Variants in PARD3B observed in about 807,000 individuals in gnomAD.
The protein encoded by PARD3B is partitioning defective 3 homolog B.
A neutral mutation model predicts 130.2 loss-of-function variants in PARD3B; 103 were observed. The ratio of observed to expected loss-of-function variants is 0.79; its 90% CI spans 0.67 to 0.93. The LOEUF is 0.93. Ranked by LOEUF, PARD3B falls within the 40% of genes least tolerant of loss-of-function variation. The probability of loss-of-function intolerance (pLI) is 0.00; values close to 1 mark genes in which losing one functional copy is unlikely to be tolerated. For synonymous variants in PARD3B, 583 were observed against 553.2 expected (o/e 1.05, Z -0.76); for missense variants, 1,609 against 1,499.2 (o/e 1.07, Z -1.21).
intron 2 of PARD3B, among the ~76,000 whole-genome samples, chr2:204,927,940 T>C (rs1190178408): frequency 1.3e-5 from 2 of 152,176 alleles, no homozygotes; most frequent in African/African-American, 2.4e-5. Flanking sequence ...AAAGCATCTA[T>C]CAATTATTAC....
At chr2:204,549,041 C>T (rs2030233384) in intron 1 of PARD3B, among the ~76,000 whole-genome samples, 2 of 152,140 alleles carry the variant, frequency 1.3e-5, no homozygotes, top group African/African-American at 4.8e-5. Flanking sequence ...TCGTGGACAG[C>T]GTCTGAGAAG....
intron 2 of PARD3B, among the ~76,000 whole-genome samples, chr2:204,746,430 C>T (rs1417900789): frequency 3.3e-5 from 5 of 151,706 alleles, no homozygotes; most frequent in South Asian, 2.1e-4. Context: ...TGAATAGTGC[C>T]GCAATAAACA....
At chr2:204,719,674 A>G (rs1257610892) in intron 2 of PARD3B, among the ~76,000 whole-genome samples, 5 of 152,200 alleles carry the variant, frequency 3.3e-5, no homozygotes, top group Non-Finnish European at 5.9e-5. Context: ...CACTATAACA[A>G]TAACTGAAAA....
intron 3 of PARD3B, among the ~76,000 whole-genome samples, chr2:204,992,285 T>A (rs939622160): frequency 8.4e-5 from 12 of 142,554 alleles, no homozygotes; most frequent in Admixed American, 7.2e-5. Context: ...CAGTTTCAGC[T>A]TTCTACATAT....
intron 15 of PARD3B, among the ~76,000 whole-genome samples, chr2:205,197,023 T>TGGGGGG (rs5837962): frequency 7.7e-6 from 1 of 130,662 alleles, no homozygotes; most frequent in Non-Finnish European, 1.7e-5. Flanking sequence ...GCTTCCACTG[T>TGGGGGG]GGGGGGGGGG....
chr2:205,152,737 T>A (rs1319974443), intron 10 of PARD3B, among the ~76,000 whole-genome samples: 1 of 152,198 alleles, frequency 6.6e-6, no homozygotes, highest in Non-Finnish European at 1.5e-5. Context: ...TTATTACCGA[T>A]CTCCTGAAGC....
intron 3 of PARD3B, among the ~76,000 whole-genome samples, chr2:205,003,924 G>A (rs996352697): frequency 6.6e-6 from 1 of 152,118 alleles, no homozygotes. Context: ...ATTTAGTTTG[G>A]GAATTGGTTT....
intron 1 of PARD3B, among the ~76,000 whole-genome samples, chr2:204,634,278 A>C (rs914658983): frequency 6.6e-6 from 1 of 152,188 alleles, no homozygotes; most frequent in Non-Finnish European, 1.5e-5. Context: ...TTCACTTAAC[A>C]TAATGATCTC....
At chr2:205,379,683 A>C (rs893212068) in intron 18 of PARD3B, among the ~76,000 whole-genome samples, 1 of 145,748 alleles carries the variant, frequency 6.9e-6, no homozygotes, top group Non-Finnish European at 1.5e-5. Flanking sequence ...ATTGGCAAAC[A>C]AAAAAAGTGG....
chr2:204,853,783 A>G (rs767654913), intron 2 of PARD3B, among the ~76,000 whole-genome samples: 2 of 152,204 alleles, frequency 1.3e-5, no homozygotes, highest in Non-Finnish European at 2.9e-5. Flanking sequence ...CCTTGCCCAT[A>G]TAGGCCTCAT....
intron 21 of PARD3B, among the ~76,000 whole-genome samples, chr2:205,519,522 T>C (rs189678105): frequency 1.8e-4 from 28 of 152,364 alleles, no homozygotes; most frequent in Admixed American, 1.5e-3. Context: ...GGTATTGCCA[T>C]CCTACTGAAT....
chr2:204,889,103 G>A (rs2046362681), intron 2 of PARD3B, among the ~76,000 whole-genome samples: 1 of 152,134 alleles, frequency 6.6e-6, no homozygotes, highest in Non-Finnish European at 1.5e-5. Context: ...GGGAAACTGA[G>A]TAAGCCGTGC....
intron 1 of PARD3B, among the ~76,000 whole-genome samples, chr2:204,629,880 C>CT (rs746306630): frequency 2.0e-5 from 3 of 152,098 alleles, no homozygotes; most frequent in South Asian, 2.1e-4. Context: ...ATACTATAGA[C>CT]TTTTTTCTGA....
At chr2:205,450,504 C>T (rs983374900) in intron 20 of PARD3B, among the ~76,000 whole-genome samples, 12 of 122,582 alleles carry the variant, frequency 9.8e-5, no homozygotes, top group Admixed American at 3.2e-4. Flanking sequence ...GGTGGAGTCT[C>T]GCACTGTTGC....
At chr2:205,210,450 G>T (rs1175132695) in intron 15 of PARD3B, among the ~76,000 whole-genome samples, 1 of 152,096 alleles carries the variant, frequency 6.6e-6, no homozygotes. Flanking sequence ...TGGAATAAAT[G>T]TAGCGTGATT....
Position 205,463,410 on chromosome 2 carries a change from G to A in PARD3B, c.3044+22738G>A, listed in dbSNP as rs1575084419. Among the ~76,000 whole-genome samples, 1 of 134,774 alleles carries A rather than the reference G, an allele frequency of 7.4e-6. No homozygotes were observed. The highest frequency in any genetic ancestry group is 1.5e-5 in the Non-Finnish European group (1 of 64,626). 88.4% of individuals were successfully genotyped at this position (134,774 alleles called of 152,430 possible). A position where few individuals can be genotyped will look rare whatever the true frequency, so the allele number is the denominator to read the frequency against. ...CCAAAGGTGGCAGAATGATGTTAGT[G>A]TTAACATTTCACTGCACATTAATTC... On this transcript the variant is annotated intron_variant, in intron 20 of 22. Coordinates refer to ENST00000406610, the MANE Select transcript of PARD3B (RefSeq NM_001302769.2). The surrounding 1 kb of genome is among the most constrained non-coding windows in gnomAD (Gnocchi z 4.8).
At chr2:204,738,086 A>AT (rs200985405) in intron 2 of PARD3B, among the ~76,000 whole-genome samples, 63 of 151,450 alleles carry the variant, frequency 4.2e-4, no homozygotes, top group South Asian at 2.1e-3. Flanking sequence ...TAATTTTAGG[A>AT]TTTTTTTTTC....
Position 205,000,621 on chromosome 2 carries a change from A to T in PARD3B, c.394+35298A>T, listed in dbSNP as rs115731671. ...ACTAAGATATACATTTTATAATCAT[A>T]TGCAAACTTTATTTGAGAAATGTTG... is the stretch of plus-strand genomic sequence containing the variant. On this transcript the variant is annotated intron_variant, in intron 3 of 22. Transcript: ENST00000406610. Among the ~76,000 whole-genome samples the T allele has an allele frequency of 3.3e-3, 496 of 152,338 alleles. 4 individuals carry two copies. Among genetic ancestry groups the T allele is most frequent in the African/African-American group, 0.011 (475 of 41,588 alleles).
At chr2:204,827,781 A>G (rs898648981) in intron 2 of PARD3B, among the ~76,000 whole-genome samples, 3 of 152,254 alleles carry the variant, frequency 2.0e-5, no homozygotes, top group Non-Finnish European at 2.9e-5. Context: ...AATGCAAATC[A>G]TGTGGCTTCA....
Sources: allele counts gnomAD v4.1 joint callset (sites outside exome capture counted in the v4.1 genomes callset), GRCh38; gene constraint gnomAD v4.1.1; non-coding constraint Gnocchi (gnomAD v3.1); transcripts MANE v1.5; gene names NCBI Gene and HGNC (gene_info 2026-07-23, HGNC 2026-07-21).